Variants in ASF1A observed in about 807,000 individuals in gnomAD.
ASF1A encodes anti-silencing function 1A histone chaperone.
In ASF1A, 5 loss-of-function variants were observed where a neutral mutation model predicts 22.0. The observed-to-expected ratio is 0.23, with a 90% confidence interval of 0.12 to 0.48. The LOEUF (loss-of-function observed/expected upper bound fraction) is 0.48. Ranked by LOEUF, ASF1A falls within the 20% of genes least tolerant of loss-of-function variation. The probability of loss-of-function intolerance (pLI) is 0.99; values close to 1 mark genes in which losing one functional copy is unlikely to be tolerated. For missense variants in ASF1A, 137 were observed against 240.6 expected (o/e 0.57, Z 2.85); for synonymous variants, 97 against 86.7 (o/e 1.12, Z -0.66).
At chr6:118,902,539 T>TC (rs1779874732) in intron 2 of ASF1A, among the ~76,000 whole-genome samples, 1 of 151,432 alleles carries the variant, frequency 6.6e-6, no homozygotes, top group African/African-American at 2.4e-5. Context: ...TTTTTTTTTT[T>TC]TTTTTTTGGC....
intron 1 of ASF1A, among the ~76,000 whole-genome samples, chr6:118,895,087 G>T (rs910834705): frequency 6.6e-6 from 1 of 152,064 alleles, no homozygotes; most frequent in African/African-American, 2.4e-5. Flanking sequence ...GCACTCTCCG[G>T]GCTGGCCATG....
At chr6:118,900,955 C>T in intron 2 of ASF1A, 74 bp downstream of exon 2, 1 of 1,043,766 alleles carries the variant, frequency 9.6e-7, no homozygotes, top group Non-Finnish European at 1.5e-6. Flanking sequence ...ATCTTATAAC[C>T]CTTATCCCTT....
Position 118,905,828 on chromosome 6 carries a change from G to T in ASF1A, c.402G>T (p.Lys134Asn). 6.3e-7 allele frequency: 1 copy of T among 1,584,838 alleles called. No homozygotes were observed. The highest frequency in any genetic ancestry group is 8.6e-7 in the Non-Finnish European group (1 of 1,162,784). The change falls in exon 3 of 4, where the codon AAG becomes AAT. Residue 134 changes from lysine to asparagine, a missense_variant and splice_region_variant. By Grantham distance (94) the Lys-to-Asn change is moderately conservative. Coordinates refer to ENST00000229595, the MANE Select transcript of ASF1A (RefSeq NM_014034.3). ...CACCAGTAAAACCAGACTTTTCTAA[G>T]GTAATGTTCTTACTATTCCTTTTTA... ...ENPPVKPDFSKLQRNILASNP... is the reference protein window; with the variant it reads ...ENPPVKPDFSNLQRNILASNP...
chr6:118,900,745 G>A (rs1486892132), intron 1 of ASF1A, 21 bp from the exon 2 acceptor site: 4 of 1,484,390 alleles, frequency 2.7e-6, no homozygotes, highest in Non-Finnish European at 3.8e-6. Context: ...ATGAAATAAT[G>A]CTTTGGTTTT....
In ASF1A at chr6:118,907,385, T is replaced by G. The variant is rs1317873475; in HGVS notation, c.403-17T>G. On this transcript the variant is annotated splice_polypyrimidine_tract_variant and intron_variant, in intron 3 of 3. Transcript: ENST00000229595. The stretch of plus-strand genomic sequence containing the variant: ...TTTCTTAGTGTTTACCATTTGTATG[T>G]TTCCTTTTTCCTCTAGCTTCAAAGG... 9.8e-6 allele frequency: 15 copies of G among 1,538,194 alleles called. No individual in the cohort carries two copies. The highest frequency in any genetic ancestry group is 1.3e-5 in the Non-Finnish European group (15 of 1,127,220).
intron 1 of ASF1A, among the ~76,000 whole-genome samples, chr6:118,897,005 A>T (rs989217134): frequency 4.6e-5 from 7 of 152,046 alleles, no homozygotes; most frequent in African/African-American, 1.7e-4. Context: ...CATTGGGCTA[A>T]TTTTTTAATT....
At position 118,900,888 on chromosome 6, in the gene ASF1A, T is replaced by C; in HGVS notation, c.225+7T>C. On this transcript the variant is annotated splice_region_variant and intron_variant, in intron 2 of 3. Coordinates refer to ENST00000229595, the MANE Select transcript of ASF1A (RefSeq NM_014034.3). ...GCATATGTTTGTATTTCAGGTAAGATTAATCTTGGTAAATGTGTATGCCAA... is the reference window on the plus strand; with the variant it reads ...GCATATGTTTGTATTTCAGGTAAGACTAATCTTGGTAAATGTGTATGCCAA... 2 of 1,571,340 alleles carry C rather than the reference T, an allele frequency of 1.3e-6. No homozygotes were observed. The highest frequency in any genetic ancestry group is 1.8e-6 in the Non-Finnish European group (2 of 1,140,946).
At position 118,894,322 on chromosome 6, in the gene ASF1A, G is replaced by T. The variant is rs988642142; in HGVS notation, c.-92G>T. 3 of 1,515,234 alleles carry T rather than the reference G, an allele frequency of 2.0e-6. No individual in the cohort carries two copies. The highest frequency in any genetic ancestry group is 2.8e-5 in the African/African-American group (2 of 72,076). The allele number at this position is 1,515,234 out of a possible 1,614,324, so 93.9% of individuals were successfully genotyped here. ...TGCACGACGTCTGGCCGGCGCTGGA[G>T]CGGGGGTCTGCGCTCTCCCGAGCGG... On this transcript the variant is annotated 5_prime_UTR_variant, in exon 1 of 4. Coordinates refer to ENST00000229595, the MANE Select transcript of ASF1A (RefSeq NM_014034.3).
Position 118,906,641 on chromosome 6 carries a change from A to ATT in ASF1A, c.403-760_403-759insTT, listed in dbSNP as rs1339738449. 2.6e-5 allele frequency among the ~76,000 whole-genome samples: 4 copies of ATT among 152,336 alleles called. No individual in the cohort carries two copies. In the East Asian group the frequency reaches 7.7e-4, roughly 29 times the overall value. Reference sequence around the variant, plus strand: ...TTAGAAGTTAAACTAACAGTCTTAAATATTTCTGGTACTGAAAACAGCTTA... The same window carrying ATT: ...TTAGAAGTTAAACTAACAGTCTTAAATTTATTTCTGGTACTGAAAACAGCTTA... On this transcript the variant is annotated intron_variant, in intron 3 of 3. Transcript: ENST00000229595.
chr6:118,904,570 G>A (rs1308884196), intron 2 of ASF1A, among the ~76,000 whole-genome samples: 3 of 152,122 alleles, frequency 2.0e-5, no homozygotes. Context: ...ACCCTACCAC[G>A]GATGGGGCCC....
chr6:118,895,596 T>C lies in ASF1A; in HGVS notation c.109+1074T>C, dbSNP rs1046178432. Among the ~76,000 whole-genome samples the C allele has an allele frequency of 2.0e-5, 3 of 152,180 alleles. No homozygotes were observed. The South Asian group carries it at 6.2e-4, about 32-fold the overall frequency. On this transcript the variant is annotated intron_variant, in intron 1 of 3. Transcript: ENST00000229595. ...TCAGTCCAAGAATTCTTGGTATTTTTTCTACATATATTTTAAGGTCTTAAA... is the reference window on the plus strand; with the variant it reads ...TCAGTCCAAGAATTCTTGGTATTTTCTCTACATATATTTTAAGGTCTTAAA...
chr6:118,900,322 C>G (rs1174359628), intron 1 of ASF1A, among the ~76,000 whole-genome samples: 1 of 152,026 alleles, frequency 6.6e-6, no homozygotes, highest in African/African-American at 2.4e-5. Context: ...ATAGGGCTGC[C>G]CTTCCAAAGT....
chr6:118,902,317 A>G (rs1323430706), intron 2 of ASF1A, among the ~76,000 whole-genome samples: 2 of 150,214 alleles, frequency 1.3e-5, no homozygotes, highest in Admixed American at 6.6e-5. Context: ...CTATCTCATT[A>G]AAATGTTATG....
chr6:118,903,660 A>T (rs1247460482), intron 2 of ASF1A, among the ~76,000 whole-genome samples: 2 of 152,248 alleles, frequency 1.3e-5, no homozygotes, highest in Non-Finnish European at 2.9e-5. Flanking sequence ...GCTCCAAAAA[A>T]GATTAAAAGA....
chr6:118,894,647 G>A (rs375785473), intron 1 of ASF1A, 125 bp downstream of exon 1: 14 of 832,308 alleles, frequency 1.7e-5, no homozygotes, highest in African/African-American at 7.0e-5. Flanking sequence ...GCTCTGCGGA[G>A]GGAAACTTGA....
In ASF1A at chr6:118,894,377, C is replaced by G. The variant is rs751978421; in HGVS notation, c.-37C>G. 106 of 1,536,386 alleles carry G rather than the reference C, an allele frequency of 6.9e-5. No individual in the cohort carries two copies. The highest frequency in any genetic ancestry group is 8.5e-5 in the Non-Finnish European group (97 of 1,146,454). Reference sequence around the variant, plus strand: ...GCGCTGGACTTTATTGTGCCGCAACCAGCCCCAGTTCCCATTGTTTGTGTT... The same window carrying G: ...GCGCTGGACTTTATTGTGCCGCAACGAGCCCCAGTTCCCATTGTTTGTGTT... On this transcript the variant is annotated 5_prime_UTR_variant, in exon 1 of 4. Coordinates refer to ENST00000229595, the MANE Select transcript of ASF1A (RefSeq NM_014034.3).
At chr6:118,898,679 C>T (rs1313878820) in intron 1 of ASF1A, among the ~76,000 whole-genome samples, 1 of 152,134 alleles carries the variant, frequency 6.6e-6, no homozygotes, top group African/African-American at 2.4e-5. Context: ...TAGCCTCCCA[C>T]AATGCTGGGA....
intron 2 of ASF1A, among the ~76,000 whole-genome samples, chr6:118,903,364 A>G (rs1779936792): frequency 6.6e-6 from 1 of 152,192 alleles, no homozygotes; most frequent in African/African-American, 2.4e-5. Context: ...TGTCTTGCCA[A>G]GAGATCATAA....
chr6:118,900,465 C>A (rs1336785363), intron 1 of ASF1A, among the ~76,000 whole-genome samples: 1 of 152,192 alleles, frequency 6.6e-6, no homozygotes, highest in Non-Finnish European at 1.5e-5. Flanking sequence ...ACTGTGCCAG[C>A]ATGCTTTATG....
Sources: allele counts gnomAD v4.1 joint callset (sites outside exome capture counted in the v4.1 genomes callset), GRCh38; gene constraint gnomAD v4.1.1; transcripts MANE v1.5; gene names NCBI Gene and HGNC (gene_info 2026-07-23, HGNC 2026-07-21).